Variants in CSMD1 observed in about 807,000 individuals in gnomAD.
CSMD1 encodes CUB and sushi domain-containing protein 1.
Under a neutral mutation model 417.5 loss-of-function variants are expected in CSMD1, and 213 were observed. The ratio of observed to expected loss-of-function variants is 0.51; its 90% CI spans 0.46 to 0.57. CSMD1 has a LOEUF of 0.57. Among genes scored for constraint, CSMD1 ranks in the 20% least tolerant of loss-of-function variants. The pLI is 0.00. For synonymous variants in CSMD1, 2,862 were observed against 1,736.8 expected (o/e 1.65, Z -16.11); for missense variants, 6,923 against 4,529.7 (o/e 1.53, Z -15.17).
intron 1 of CSMD1, among the ~76,000 whole-genome samples, chr8:4,793,650 T>A (rs1168279369): frequency 6.6e-6 from 1 of 152,042 alleles, no homozygotes; most frequent in African/African-American, 2.4e-5. Context: ...TTGCTGTCAA[T>A]AGCAATGTTG....
intron 9 of CSMD1, among the ~76,000 whole-genome samples, chr8:3,585,592 A>C (rs1800565835): frequency 6.6e-6 from 1 of 152,162 alleles, no homozygotes; most frequent in African/African-American, 2.4e-5. Context: ...ACCTTTGCTG[A>C]CTTCGTATGT....
intron 7 of CSMD1, among the ~76,000 whole-genome samples, chr8:3,685,063 A>G (rs967756002): frequency 6.6e-6 from 1 of 152,192 alleles, no homozygotes; most frequent in Admixed American, 6.5e-5. Context: ...TGAAATAAAA[A>G]TAAGAGATGT....
At chr8:3,763,268 T>G (rs1798107699) in intron 5 of CSMD1, among the ~76,000 whole-genome samples, 1 of 152,146 alleles carries the variant, frequency 6.6e-6, no homozygotes, top group African/African-American at 2.4e-5. Context: ...TTCGGATATT[T>G]TGTCTCCTCC....
chr8:4,655,469 T>C (rs1000232910), intron 1 of CSMD1, among the ~76,000 whole-genome samples: 34 of 152,152 alleles, frequency 2.2e-4, no homozygotes, highest in African/African-American at 8.0e-4. Context: ...TTCTGGCTTA[T>C]TTTTTGGAAA....
Position 3,219,490 on chromosome 8 carries a change from T to C in CSMD1, c.4485-48A>G, listed in dbSNP as rs140541161. On this transcript the variant is annotated intron_variant, in intron 28 of 69. Transcript: ENST00000635120. ...TGTCATACGGCTAACAGATATTTTA[T>C]CTCCCAGAGTGGTAAGCCTTTGAGC... 7.5e-5 allele frequency: 97 copies of C among 1,289,464 alleles called. No individual in the cohort carries two copies. In the East Asian group the frequency reaches 2.2e-3, roughly 30 times the overall value. The allele number at this position is 1,289,464 out of a possible 1,614,324, so 79.9% of individuals were successfully genotyped here. A position where few individuals can be genotyped will look rare whatever the true frequency, so the allele number is the denominator to read the frequency against.
chr8:4,410,522 G>T (rs940056422), intron 3 of CSMD1, among the ~76,000 whole-genome samples: 1 of 152,174 alleles, frequency 6.6e-6, no homozygotes, highest in South Asian at 2.1e-4. Flanking sequence ...GAGACAGAAA[G>T]AGACTATTAG....
At chr8:4,874,916 G>C (rs1198821873) in intron 1 of CSMD1, among the ~76,000 whole-genome samples, 1 of 150,036 alleles carries the variant, frequency 6.7e-6, no homozygotes, top group Non-Finnish European at 1.5e-5. Flanking sequence ...TACTATATTA[G>C]ATATTTCCAC....
At chr8:3,822,493 G>C (rs918307538) in intron 5 of CSMD1, among the ~76,000 whole-genome samples, 1 of 152,188 alleles carries the variant, frequency 6.6e-6, no homozygotes, top group Non-Finnish European at 1.5e-5. Context: ...ATAGACAAGA[G>C]CTGCTAGGTA....
At chr8:3,850,899 A>G (rs1351853230) in intron 5 of CSMD1, among the ~76,000 whole-genome samples, 1 of 152,202 alleles carries the variant, frequency 6.6e-6, no homozygotes, top group East Asian at 1.9e-4. Flanking sequence ...CACAGGAAAC[A>G]GAGTTTAAAG....
intron 3 of CSMD1, among the ~76,000 whole-genome samples, chr8:4,055,344 AT>A (rs1378006653): frequency 2.0e-5 from 3 of 152,140 alleles, no homozygotes; most frequent in Admixed American, 2.0e-4. Flanking sequence ...GATTACAAAA[AT>A]ATCCTTTTTA....
At chr8:4,357,007 A>G (rs1213565414) in intron 3 of CSMD1, among the ~76,000 whole-genome samples, 1 of 152,228 alleles carries the variant, frequency 6.6e-6, no homozygotes, top group Non-Finnish European at 1.5e-5. Context: ...AGATAAACGA[A>G]TTTCAATTGC....
At chr8:4,671,149 G>A (rs144076943) in intron 1 of CSMD1, among the ~76,000 whole-genome samples, 2 of 152,060 alleles carry the variant, frequency 1.3e-5, no homozygotes, top group Non-Finnish European at 2.9e-5. Context: ...CAAATCCTGC[G>A]GCATGATTTA....
At chr8:3,766,748 T>C (rs1426127555) in intron 5 of CSMD1, among the ~76,000 whole-genome samples, 2 of 152,194 alleles carry the variant, frequency 1.3e-5, no homozygotes, top group South Asian at 2.1e-4. Flanking sequence ...AGCATACATA[T>C]TCTTTAGGAA....
intron 49 of CSMD1, among the ~76,000 whole-genome samples, chr8:3,068,276 G>A (rs1411533438): frequency 9.2e-5 from 14 of 151,444 alleles, no homozygotes; most frequent in Non-Finnish European, 1.2e-4. Flanking sequence ...GCAGTATGTT[G>A]AATCCCACAG....
chr8:3,609,007 C>A (rs151064438), intron 8 of CSMD1, among the ~76,000 whole-genome samples: 10 of 152,278 alleles, frequency 6.6e-5, no homozygotes, highest in African/African-American at 2.2e-4. Context: ...GCACACTACA[C>A]ACCCCTTTCC....
intron 5 of CSMD1, among the ~76,000 whole-genome samples, chr8:3,812,451 G>C (rs534637566): frequency 6.6e-6 from 1 of 152,214 alleles, no homozygotes; most frequent in Admixed American, 6.5e-5. Flanking sequence ...GATGTGGCTA[G>C]ATTAAAATAA....
chr8:4,570,066 C>A (rs544212186), intron 2 of CSMD1, among the ~76,000 whole-genome samples: 2 of 152,276 alleles, frequency 1.3e-5, no homozygotes, highest in South Asian at 4.1e-4. Context: ...TCTAAATATA[C>A]AATCACGTCG....
chr8:4,090,305 A>G (rs1205513757), intron 3 of CSMD1, among the ~76,000 whole-genome samples: 1 of 152,232 alleles, frequency 6.6e-6, no homozygotes, highest in Non-Finnish European at 1.5e-5. Context: ...GCCACTAGGT[A>G]ATATCGTTTA....
intron 3 of CSMD1, among the ~76,000 whole-genome samples, chr8:4,240,507 A>C (rs1393975376): frequency 6.6e-6 from 1 of 152,240 alleles, no homozygotes; most frequent in Non-Finnish European, 1.5e-5. Context: ...GCCTGCAGCA[A>C]GAATCTGGAA....
Sources: gnomAD v4.1 joint callset for allele counts (sites outside exome capture counted in the v4.1 genomes callset) on GRCh38, gnomAD v4.1.1 for gene constraint, MANE v1.5 for transcripts, NCBI Gene and HGNC (gene_info 2026-07-23, HGNC 2026-07-21) for gene names.